Variants in ATL3 observed in about 807,000 individuals in gnomAD.
The protein encoded by ATL3 is atlastin-3.
Under a neutral mutation model 69.5 loss-of-function variants are expected in ATL3, and 49 were observed. The observed-to-expected ratio is 0.71, with a 90% CI of 0.56 to 0.89. The LOEUF is 0.89. Ranked by LOEUF, ATL3 falls within the 40% of genes least tolerant of loss-of-function variation. The pLI is 0.00. For missense variants in ATL3, 606 were observed against 645.7 expected (o/e 0.94, Z 0.67); for synonymous variants, 214 against 224.1 (o/e 0.95, Z 0.40).
intron 1 of ATL3, among the ~76,000 whole-genome samples, chr11:63,661,186 C>T (rs538471073): frequency 3.1e-4 from 45 of 146,606 alleles, no homozygotes; most frequent in Non-Finnish European, 5.4e-4. Context: ...CGCGCCACTG[C>T]ACTCCAGCCT....
rs189119869 is a variant in ATL3, at chr11:63,631,145, T to G, written c.1434A>C (p.Gly478=). The part of the protein sequence containing the change: ...VVAQLFNCMV[G]LLLIALLTWG... ...AGGTGAGGAGTGCTATTAACAGTAG[T>G]CCAACCATACAGTTGAACAACTGGG... The change falls in exon 12 of 13, where the codon GGA becomes GGC. Residue 478 remains glycine (G), a synonymous_variant. Coordinates refer to ENST00000398868, the MANE Select transcript of ATL3 (RefSeq NM_015459.5). The G allele has an allele frequency of 1.2e-6, 2 of 1,614,052 alleles. No homozygotes were observed. Among genetic ancestry groups the G allele is most frequent in the Non-Finnish European group, 1.7e-6 (2 of 1,180,038 alleles).
intron 1 of ATL3, among the ~76,000 whole-genome samples, chr11:63,667,593 C>T (rs1291285576): frequency 6.6e-6 from 1 of 152,026 alleles, no homozygotes; most frequent in African/African-American, 2.4e-5. Flanking sequence ...GGAACCCTGA[C>T]TCTACTGAAA....
intron 3 of ATL3, among the ~76,000 whole-genome samples, chr11:63,656,258 T>C (rs1172306536): frequency 6.6e-6 from 1 of 151,154 alleles, no homozygotes; most frequent in African/African-American, 2.4e-5. Flanking sequence ...AAACACATAA[T>C]AATTTGCTCA....
At chr11:63,643,559 T>C in intron 7 of ATL3, 64 bp from the exon 8 acceptor site, 1 of 1,486,920 alleles carries the variant, frequency 6.7e-7, no homozygotes, top group Non-Finnish European at 9.2e-7. Context: ...TAGGGACAAC[T>C]AGTATAAGGA....
Position 63,628,279 on chromosome 11 carries a change from G to A in ATL3, c.*1040C>T, listed in dbSNP as rs1939184289. 6.6e-6 allele frequency: 1 copy of A among 151,160 alleles called. No individual in the cohort carries two copies. The highest frequency in any genetic ancestry group is 2.1e-4 in the South Asian group (1 of 4,810). 9.4% of individuals were successfully genotyped at this position (151,160 alleles called of 1,614,324 possible). ...ATTATGAGCCACTCTGGCTTTTCAA[G>A]GCACGTTTGCCTCTTTTTCTAGAAA... On this transcript the variant is annotated 3_prime_UTR_variant, in exon 13 of 13. Coordinates refer to ENST00000398868, the MANE Select transcript of ATL3 (RefSeq NM_015459.5).
intron 10 of ATL3, 111 bp downstream of exon 10, chr11:63,635,423 T>C (rs1027993456): frequency 4.3e-6 from 4 of 935,280 alleles, no homozygotes; most frequent in African/African-American, 1.7e-5. Flanking sequence ...GACCTCAGCA[T>C]GATGAAAAAG....
chr11:63,640,814 C>A (rs1368722556), intron 8 of ATL3, among the ~76,000 whole-genome samples: 1 of 152,012 alleles, frequency 6.6e-6, no homozygotes, highest in African/African-American at 2.4e-5. Context: ...GTTGGCCAGG[C>A]TGGTCTCAAA....
At position 63,626,863 on chromosome 11, in the gene ATL3, A is replaced by C. The variant is rs1055682209; in HGVS notation, c.*2456T>G. ...ATATAAAATCATCAATTTACTGTTG[A>C]GAGAAAAGAGGCCAAAGAAAACTCT... On this transcript the variant is annotated 3_prime_UTR_variant, in exon 13 of 13. Transcript: ENST00000398868. 1 of 152,170 alleles carries C rather than the reference A, an allele frequency of 6.6e-6. No homozygotes were observed. The highest frequency in any genetic ancestry group is 2.4e-5 in the African/African-American group (1 of 41,434). The allele number at this position is 152,170 out of a possible 1,614,324, so 9.4% of individuals were successfully genotyped here. A position where few individuals can be genotyped will look rare whatever the true frequency, so the allele number is the denominator to read the frequency against.
chr11:63,652,800 A>G (rs1202890000), intron 3 of ATL3, among the ~76,000 whole-genome samples: 1 of 152,172 alleles, frequency 6.6e-6, no homozygotes, highest in African/African-American at 2.4e-5. Flanking sequence ...GGAAGGCAAA[A>G]ATTGCCCCAC....
intron 6 of ATL3, 141 bp downstream of exon 6, chr11:63,646,366 T>C: frequency 1.9e-6 from 1 of 527,196 alleles, no homozygotes; most frequent in Non-Finnish European, 3.5e-6. Context: ...TTTTCAACCA[T>C]TTAAAAATGT....
intron 5 of ATL3, among the ~76,000 whole-genome samples, chr11:63,651,380 T>G (rs973793486): frequency 6.6e-6 from 1 of 151,052 alleles, no homozygotes; most frequent in African/African-American, 2.4e-5. Context: ...CACTCCAGCC[T>G]GGGGACAAGA....
intron 1 of ATL3, among the ~76,000 whole-genome samples, chr11:63,668,281 A>G (rs1028263785): frequency 6.6e-6 from 1 of 152,210 alleles, no homozygotes; most frequent in Admixed American, 6.5e-5. Flanking sequence ...AAAGCCAGAG[A>G]AAACATCATC....
chr11:63,659,340 G>A, intron 1 of ATL3, 88 bp from the exon 2 acceptor site: 2 of 1,151,124 alleles, frequency 1.7e-6, no homozygotes, highest in Admixed American at 2.1e-5. Flanking sequence ...TTAAACAGGG[G>A]ACAGGGCCAG....
chr11:63,625,468 A>T lies in ATL3; in HGVS notation c.*3851T>A, dbSNP rs1213261360. ...AGTTTTAATTTTTAAAAAATTAAAA[A>T]ATTAAAACTGTTTTATTGCTTTTGC... On this transcript the variant is annotated 3_prime_UTR_variant, in exon 13 of 13. Transcript: ENST00000398868. 1 of 152,210 alleles carries T rather than the reference A, an allele frequency of 6.6e-6. No homozygotes were observed. Among genetic ancestry groups the T allele is most frequent in the African/African-American group, 2.4e-5 (1 of 41,458 alleles). 9.4% of individuals were successfully genotyped at this position (152,210 alleles called of 1,614,324 possible).
chr11:63,638,250 AAAG>A (rs1939583917), intron 8 of ATL3, among the ~76,000 whole-genome samples: 1 of 152,320 alleles, frequency 6.6e-6, no homozygotes, highest in East Asian at 1.9e-4. Context: ...TAGTGGTGTC[AAAG>A]AAGACTGTGC....
intron 6 of ATL3, among the ~76,000 whole-genome samples, chr11:63,646,240 G>A (rs554849388): frequency 5.3e-5 from 8 of 152,258 alleles, no homozygotes; most frequent in East Asian, 1.9e-4. Flanking sequence ...CAGGAAAGCC[G>A]TCACAGACAG....
At position 63,654,289 on chromosome 11, in the gene ATL3, GACGCCCGCCACC is replaced by G. The variant is rs552384537; in HGVS notation, c.406-1726_406-1715del. ...AGCCTCCCAAATAGCTGGGACTATA[GACGCCCGCCACC>G]ACGCCCAGCTAATTTTTGTATTTTT... On this transcript the variant is annotated intron_variant, in intron 3 of 12. Transcript: ENST00000398868. Among the ~76,000 whole-genome samples, 811 of 151,808 alleles carry G rather than the reference GACGCCCGCCACC, an allele frequency of 5.3e-3. 7 individuals are homozygous for G. The highest frequency in any genetic ancestry group is 0.019 in the African/African-American group (791 of 41,382).
rs1939086537 is a variant in ATL3, at chr11:63,625,726, G to C, written c.*3593C>G. 2 of 152,300 alleles carry C rather than the reference G, an allele frequency of 1.3e-5. No homozygotes were observed. The highest frequency in any genetic ancestry group is 2.9e-5 in the Non-Finnish European group (2 of 68,104). 9.4% of individuals were successfully genotyped at this position (152,300 alleles called of 1,614,324 possible). A position where few individuals can be genotyped will look rare whatever the true frequency, so the allele number is the denominator to read the frequency against. On this transcript the variant is annotated 3_prime_UTR_variant, in exon 13 of 13. Transcript: ENST00000398868. ...ACAAGGCCAGGTTCCAGTGGCTCAC[G>C]CCTGTAATCCCAGCACCCTGGAAGG...
upstream of ATL3, chr11:63,671,763 G>T (rs1940797017): frequency 3.4e-6 from 4 of 1,191,130 alleles, no homozygotes; most frequent in Non-Finnish European, 4.3e-6. Context: ...TCCGACGACT[G>T]AACTACAACT....
Sources: allele counts gnomAD v4.1 joint callset (sites outside exome capture counted in the v4.1 genomes callset), GRCh38; gene constraint gnomAD v4.1.1; transcripts MANE v1.5; gene names NCBI Gene and HGNC (gene_info 2026-07-23, HGNC 2026-07-21).